ATP6V1C2: variants seen among roughly 807,000 people sequenced by gnomAD.
The protein encoded by ATP6V1C2 is ATPase H+ transporting V1 subunit C2, also known as V-type proton ATPase subunit C 2.
ATP6V1C2 carries 45 observed loss-of-function variants against 56.8 expected under a neutral mutation model. The ratio of observed to expected loss-of-function variants is 0.79; its 90% CI spans 0.62 to 1.02. ATP6V1C2 has a LOEUF of 1.02. Ranked by LOEUF, ATP6V1C2 falls within the 50% of genes least tolerant of loss-of-function variation. ATP6V1C2 has a pLI of 0.00. For missense variants in ATP6V1C2, 463 were observed against 519.7 expected, an observed-to-expected ratio of 0.89 and a Z score of 1.06; for synonymous variants, 220 against 201.3, an observed-to-expected ratio of 1.09 and a Z score of -0.79.
chr2:10,735,092 GAA>G (rs1172658376), intron 3 of ATP6V1C2, among the ~76,000 whole-genome samples: 7 of 152,042 alleles, frequency 4.6e-5, no homozygotes, highest in African/African-American at 1.7e-4. Context: ...TTGAAAAAAA[GAA>G]AAAAATATAT....
intron 5 of ATP6V1C2, among the ~76,000 whole-genome samples, chr2:10,765,060 T>C (rs535908276): frequency 6.6e-6 from 1 of 152,206 alleles, no homozygotes; most frequent in East Asian, 1.9e-4. Context: ...CCCCAGGGGA[T>C]TGTTCACCTG....
Position 10,784,997 on chromosome 2 carries a change from A to G in ATP6V1C2, c.*1734A>G. The G allele has an allele frequency of 4.4e-6, 7 of 1,586,472 alleles. No homozygotes were observed. Among genetic ancestry groups the G allele is most frequent in the Non-Finnish European group, 5.2e-6 (6 of 1,164,894 alleles). ...TGGTAGGGAAAGCCCCGCCTCCTACAGGTGCCGTGGAGCCACGCCCAAAAG... is the reference window on the plus strand; with the variant it reads ...TGGTAGGGAAAGCCCCGCCTCCTACGGGTGCCGTGGAGCCACGCCCAAAAG... On this transcript the variant is annotated 3_prime_UTR_variant, in exon 14 of 14. Transcript: ENST00000272238.
At chr2:10,737,437 A>G (rs1321506361) in intron 3 of ATP6V1C2, among the ~76,000 whole-genome samples, 1 of 151,816 alleles carries the variant, frequency 6.6e-6, no homozygotes, top group Admixed American at 6.6e-5. Context: ...AAAAAAAGGA[A>G]AAAGAAAGAA....
At chr2:10,735,695 A>G (rs987009799) in intron 3 of ATP6V1C2, among the ~76,000 whole-genome samples, 2 of 150,792 alleles carry the variant, frequency 1.3e-5, no homozygotes, top group African/African-American at 4.9e-5. Context: ...GGCTCAAGCC[A>G]TCCTCCTGCC....
In ATP6V1C2 at chr2:10,764,461, G is replaced by A. The variant is rs1431513547; in HGVS notation, c.378+36G>A. On this transcript the variant is annotated intron_variant, in intron 5 of 13. Transcript: ENST00000272238. ...GGACTGCTCTGGGGAACAGCTGACT[G>A]GTGGGTCAGGCGGGCAAGAGCCTGG... The A allele has an allele frequency of 3.8e-6, 6 of 1,585,724 alleles. No homozygotes were observed. In the African/African-American group the frequency reaches 4.0e-5, roughly 11 times the overall value.
At chr2:10,777,946 C>G (rs926475971) in intron 11 of ATP6V1C2, among the ~76,000 whole-genome samples, 1 of 149,850 alleles carries the variant, frequency 6.7e-6, no homozygotes, top group African/African-American at 2.4e-5. Flanking sequence ...CGCCTCTCCC[C>G]GGGCGCCTGG....
At chr2:10,736,093 A>C (rs1465253709) in intron 3 of ATP6V1C2, among the ~76,000 whole-genome samples, 5 of 152,154 alleles carry the variant, frequency 3.3e-5, no homozygotes, top group African/African-American at 1.2e-4. Flanking sequence ...TTAAAAATAC[A>C]TCACTGGTCT....
intron 3 of ATP6V1C2, among the ~76,000 whole-genome samples, chr2:10,750,135 C>A (rs1206220368): frequency 6.6e-6 from 1 of 152,206 alleles, no homozygotes; most frequent in Non-Finnish European, 1.5e-5. Flanking sequence ...AGGGCTTTTT[C>A]TAGCAGTAGA....
chr2:10,726,663 C>G lies in ATP6V1C2; in HGVS notation c.197+94C>G, dbSNP rs1486033737. The G allele has an allele frequency of 7.7e-6, 9 of 1,169,556 alleles. No homozygotes were observed. In the Admixed American group the frequency reaches 1.2e-4, roughly 16 times the overall value. The allele number at this position is 1,169,556 out of a possible 1,614,324, so 72.4% of individuals were successfully genotyped here. ...TGCTTTGGCTGAACCGGAGTATGGA[C>G]TTGTCTAGACCTGGTTCCAAAAGTG... On this transcript the variant is annotated intron_variant, in intron 3 of 13. Transcript: ENST00000272238.
At chr2:10,757,685 G>T (rs1011784415) in intron 4 of ATP6V1C2, among the ~76,000 whole-genome samples, 1 of 152,128 alleles carries the variant, frequency 6.6e-6, no homozygotes, top group Non-Finnish European at 1.5e-5. Flanking sequence ...ACTGCATGCC[G>T]CCTGGAAGCT....
At chr2:10,741,784 T>A (rs1216632691) in intron 3 of ATP6V1C2, among the ~76,000 whole-genome samples, 1 of 151,904 alleles carries the variant, frequency 6.6e-6, no homozygotes, top group African/African-American at 2.4e-5. Context: ...TCCTTAGTGG[T>A]TTTCTGGGGG....
chr2:10,774,727 A>G, intron 8 of ATP6V1C2, 61 bp from the exon 9 acceptor site: 1 of 1,470,662 alleles, frequency 6.8e-7, no homozygotes, highest in East Asian at 2.3e-5. Context: ...GGGGCCTCTG[A>G]GCCCCACTCC....
At chr2:10,723,138 G>T (rs531905196) in intron 2 of ATP6V1C2, among the ~76,000 whole-genome samples, 160 bp downstream of exon 2, 9 of 152,216 alleles carry the variant, frequency 5.9e-5, no homozygotes, top group African/African-American at 1.9e-4. Context: ...GAGGTGATGG[G>T]CTAGGTGGGA....
chr2:10,782,537 TA>T lies in ATP6V1C2; in HGVS notation c.1194+172del, dbSNP rs759672034. Among the ~76,000 whole-genome samples, 572 of 148,740 alleles carry T rather than the reference TA, an allele frequency of 3.8e-3. 6 individuals are homozygous for T. Among genetic ancestry groups the T allele is most frequent in the African/African-American group, 0.013 (546 of 40,660 alleles). On this transcript the variant is annotated intron_variant, in intron 13 of 13. Coordinates refer to ENST00000272238, the MANE Select transcript of ATP6V1C2 (RefSeq NM_001039362.2). ...CAACATGGTAAGACCCTGTCTCTAC[TA>T]AAAAAAAAATTGGGCTGGGCATAGT... is the stretch of plus-strand genomic sequence containing the variant.
chr2:10,729,938 T>C (rs1661862028), intron 3 of ATP6V1C2, among the ~76,000 whole-genome samples: 1 of 152,196 alleles, frequency 6.6e-6, no homozygotes, highest in Admixed American at 6.5e-5. Context: ...TCTGACTGCT[T>C]CCTTAAAGGG....
intron 12 of ATP6V1C2, among the ~76,000 whole-genome samples, chr2:10,781,416 T>G (rs549726939): frequency 1.7e-3 from 261 of 151,926 alleles, no homozygotes; most frequent in African/African-American, 6.1e-3. Context: ...AAGTGGAGGC[T>G]GCAGTGAGCC....
chr2:10,739,243 A>G (rs1572521673), intron 3 of ATP6V1C2, among the ~76,000 whole-genome samples: 1 of 152,150 alleles, frequency 6.6e-6, no homozygotes, highest in Non-Finnish European at 1.5e-5. Flanking sequence ...AGATCTCGCC[A>G]TGGCACTCCA....
In ATP6V1C2 at chr2:10,763,644, TC is replaced by T. The variant is rs1354154607; in HGVS notation, c.284-684del. Among the ~76,000 whole-genome samples, 1 of 152,124 alleles carries T rather than the reference TC, an allele frequency of 6.6e-6. No homozygotes were observed. The highest frequency in any genetic ancestry group is 1.5e-5 in the Non-Finnish European group (1 of 68,020). The stretch of plus-strand genomic sequence containing the variant: ...GTGGCGCTGCAGCTTCCAGGGAATT[TC>T]CCGCTCTTCCATAGACCCGGCGTAT... On this transcript the variant is annotated intron_variant, in intron 4 of 13. Coordinates refer to ENST00000272238, the MANE Select transcript of ATP6V1C2 (RefSeq NM_001039362.2). This position sits in a 1 kb window ranked among gnomAD's most constrained non-coding sequence, Gnocchi z 4.2.
At position 10,754,274 on chromosome 2, in the gene ATP6V1C2, G is replaced by A. The variant is rs146915976; in HGVS notation, c.283+208G>A. 5.4e-3 allele frequency among the ~76,000 whole-genome samples: 823 copies of A among 152,164 alleles called. 14 individuals are homozygous for A. The highest frequency in any genetic ancestry group is 0.019 in the African/African-American group (791 of 41,512). On this transcript the variant is annotated intron_variant, in intron 4 of 13. Coordinates refer to ENST00000272238, the MANE Select transcript of ATP6V1C2 (RefSeq NM_001039362.2). ...GACAGAGTCTCCCTCTGTTGCCCAC[G>A]CTGGAGTGTGGTGCAATCTTGGCTC...
Sources: gnomAD v4.1 joint callset for allele counts (sites outside exome capture counted in the v4.1 genomes callset) on GRCh38, gnomAD v4.1.1 for gene constraint, Gnocchi (gnomAD v3.1) non-coding constraint, MANE v1.5 for transcripts, NCBI Gene and HGNC (gene_info 2026-07-23, HGNC 2026-07-21) for gene names.